TRPM3: variants seen among roughly 807,000 people sequenced by gnomAD.
TRPM3 encodes the protein long transient receptor potential channel 3.
In TRPM3, 77 loss-of-function variants were observed where a neutral mutation model predicts 181.2. The observed-to-expected ratio is 0.42, with a 90% CI of 0.35 to 0.51. The LOEUF is 0.51. Among genes scored for constraint, TRPM3 ranks in the 20% least tolerant of loss-of-function variants. TRPM3 has a pLI of 0.01. For missense variants in TRPM3, 1,759 were observed against 2,196.7 expected, an observed-to-expected ratio of 0.80 and a Z score of 3.98; for synonymous variants, 745 against 796.4, an observed-to-expected ratio of 0.94 and a Z score of 1.09.
At chr9:71,074,542 T>C (rs1486601891) in intron 1 of TRPM3, among the ~76,000 whole-genome samples, 2 of 152,122 alleles carry the variant, frequency 1.3e-5, no homozygotes, top group East Asian at 3.9e-4. Flanking sequence ...ACAAAAGTAA[T>C]TGCGGTTTTT....
At chr9:71,247,814 T>G (rs1272262785) in intron 1 of TRPM3, among the ~76,000 whole-genome samples, 1 of 152,106 alleles carries the variant, frequency 6.6e-6, no homozygotes, top group African/African-American at 2.4e-5. Context: ...GGCAGAAATA[T>G]GAGATCCAAC....
intron 1 of TRPM3, among the ~76,000 whole-genome samples, chr9:70,894,615 A>G (rs556773880): frequency 1.3e-5 from 2 of 152,306 alleles, no homozygotes; most frequent in East Asian, 3.9e-4. Flanking sequence ...AGGATAAAAT[A>G]CAAGATTAGT....
At chr9:71,012,798 G>C (rs1246098707) in intron 1 of TRPM3, among the ~76,000 whole-genome samples, 2 of 151,726 alleles carry the variant, frequency 1.3e-5, no homozygotes, top group African/African-American at 4.8e-5. Flanking sequence ...TCTTTATTGA[G>C]TCTCTAAGAT....
chr9:70,921,867 TAGA>T (rs1220554949), intron 1 of TRPM3, among the ~76,000 whole-genome samples: 5 of 151,094 alleles, frequency 3.3e-5, no homozygotes, highest in Non-Finnish European at 5.9e-5. Flanking sequence ...TGAATTAGCT[TAGA>T]AGAAGATAAT....
chr9:71,094,254 A>C (rs2066730315), intron 1 of TRPM3, among the ~76,000 whole-genome samples: 1 of 152,122 alleles, frequency 6.6e-6, no homozygotes, highest in Non-Finnish European at 1.5e-5. Context: ...AGCTTAAAGT[A>C]AAATTTTTAA....
At chr9:71,017,863 A>G (rs570029535) in intron 1 of TRPM3, among the ~76,000 whole-genome samples, 1 of 151,994 alleles carries the variant, frequency 6.6e-6, no homozygotes, top group African/African-American at 2.4e-5. Flanking sequence ...TCTATACCCA[A>G]CAATGGTTGC....
chr9:70,817,983 A>G (rs892924078), intron 6 of TRPM3, among the ~76,000 whole-genome samples: 1 of 152,192 alleles, frequency 6.6e-6, no homozygotes, highest in Non-Finnish European at 1.5e-5. Context: ...GTTATAATAA[A>G]GTGACTGGGT....
At chr9:71,232,477 A>G (rs1308547624) in intron 1 of TRPM3, among the ~76,000 whole-genome samples, 1 of 147,142 alleles carries the variant, frequency 6.8e-6, no homozygotes. Flanking sequence ...GCACATGGAA[A>G]TTGAATTCAG....
In TRPM3 at chr9:70,864,520, G is replaced by GATAACAAAAAAA. The variant is rs2095598581; in HGVS notation, c.178-10_178-9insTTTTTTTGTTAT. 2.7e-6 allele frequency: 1 copy of GATAACAAAAAAA among 366,002 alleles called. No individual in the cohort carries two copies. Among genetic ancestry groups the GATAACAAAAAAA allele is most frequent in the Non-Finnish European group, 3.7e-6 (1 of 272,100 alleles). The allele number at this position is 366,002 out of a possible 1,614,324, so 22.7% of individuals were successfully genotyped here. A position where few individuals can be genotyped will look rare whatever the true frequency, so the allele number is the denominator to read the frequency against. ...ATCCAGGATTTCTGAGCCTGAAAAA[G>GATAACAAAAAAA]AAAACAAAAAAAAAAAAAAAAGAAA... On this transcript the variant is annotated splice_polypyrimidine_tract_variant and intron_variant, in intron 1 of 25. Coordinates refer to ENST00000677713, the MANE Select transcript of TRPM3 (RefSeq NM_001366145.2).
At chr9:71,116,369 T>C (rs567760354) in intron 1 of TRPM3, among the ~76,000 whole-genome samples, 48 of 152,332 alleles carry the variant, frequency 3.2e-4, no homozygotes, top group African/African-American at 1.1e-3. Context: ...TGGGACAACT[T>C]GAACATCATA....
At chr9:71,392,783 A>G (rs551437697) in intron 1 of TRPM3, among the ~76,000 whole-genome samples, 1 of 152,242 alleles carries the variant, frequency 6.6e-6, no homozygotes, top group South Asian at 2.1e-4. Flanking sequence ...TCACATTTGT[A>G]CCCTATACAG....
At chr9:71,127,100 T>C (rs934512045) in intron 1 of TRPM3, among the ~76,000 whole-genome samples, 2 of 152,070 alleles carry the variant, frequency 1.3e-5, no homozygotes, top group African/African-American at 4.8e-5. Flanking sequence ...TAGGATTATA[T>C]TCAATATTAT....
intron 4 of TRPM3, among the ~76,000 whole-genome samples, chr9:70,845,069 A>G (rs2094897121): frequency 6.6e-6 from 1 of 152,290 alleles, no homozygotes; most frequent in African/African-American, 2.4e-5. Context: ...TCAGAATTTC[A>G]CATAATAACA....
intron 6 of TRPM3, among the ~76,000 whole-genome samples, chr9:70,786,311 C>CAAAAAAAAGAAAA (rs2083579274): frequency 5.5e-5 from 3 of 54,472 alleles, no homozygotes; most frequent in African/African-American, 2.1e-4. Flanking sequence ...CTAAAAATAC[C>CAAAAAAAAGAAAA]AAAAAAAAAA....
chr9:71,124,936 G>A (rs1174715134), upstream of TRPM3, among the ~76,000 whole-genome samples: 2 of 152,134 alleles, frequency 1.3e-5, no homozygotes, highest in African/African-American at 2.4e-5. Context: ...ATTTTTCAGA[G>A]TTTATTATTA....
At chr9:71,327,857 T>A (rs1239344542) in intron 1 of TRPM3, among the ~76,000 whole-genome samples, 1 of 152,142 alleles carries the variant, frequency 6.6e-6, no homozygotes, top group African/African-American at 2.4e-5. Flanking sequence ...CCAAAAAGGA[T>A]GTAAGAGGAA....
At chr9:71,306,819 G>T (rs1284146353) in intron 1 of TRPM3, among the ~76,000 whole-genome samples, 1 of 152,186 alleles carries the variant, frequency 6.6e-6, no homozygotes, top group Non-Finnish European at 1.5e-5. Flanking sequence ...ATTGCAGTGA[G>T]CCGAGATCGC....
intron 1 of TRPM3, among the ~76,000 whole-genome samples, chr9:71,218,754 G>A (rs1027650525): frequency 4.6e-5 from 7 of 152,054 alleles, no homozygotes; most frequent in Non-Finnish European, 8.8e-5. Context: ...TTTCATTTAC[G>A]TAAAATAATA....
chr9:71,340,139 G>A (rs2090855077), intron 1 of TRPM3, among the ~76,000 whole-genome samples: 1 of 152,158 alleles, frequency 6.6e-6, no homozygotes, highest in South Asian at 2.1e-4. Context: ...ACGCATGCCA[G>A]GGTTGAACAA....
Sources: gnomAD v4.1 joint callset for allele counts (sites outside exome capture counted in the v4.1 genomes callset) on GRCh38, gnomAD v4.1.1 for gene constraint, MANE v1.5 for transcripts, NCBI Gene and HGNC (gene_info 2026-07-23, HGNC 2026-07-21) for gene names.